SPTA1: variants seen among roughly 807,000 people sequenced by gnomAD.
SPTA1 encodes spectrin alpha, erythrocytic 1.
A neutral mutation model predicts 324.7 loss-of-function variants in SPTA1; 177 were observed. The observed-to-expected ratio is 0.55, with a 90% CI of 0.48 to 0.62. The LOEUF (loss-of-function observed/expected upper bound fraction) is 0.62. SPTA1 is among the 20% of genes least tolerant of loss of function. The pLI is 0.00. For missense variants in SPTA1, 3,162 were observed against 2,883.6 expected, an observed-to-expected ratio of 1.10 and a Z score of -2.21; for synonymous variants, 1,195 against 1,041.3, an observed-to-expected ratio of 1.15 and a Z score of -2.84.
chr1:158,676,021 G>C (rs1654366952), intron 8 of SPTA1, 120 bp downstream of exon 8: 1 of 1,351,954 alleles, frequency 7.4e-7, no homozygotes, highest in Non-Finnish European at 1.0e-6. Context: ...TGTCTCTACT[G>C]AGCAGGCAGG....
intron 7 of SPTA1, among the ~76,000 whole-genome samples, chr1:158,676,512 T>A (rs559041818): frequency 1.3e-5 from 2 of 152,304 alleles, no homozygotes; most frequent in East Asian, 1.9e-4. Flanking sequence ...TACATGAACG[T>A]TCTCATTTTA....
Position 158,653,425 on chromosome 1 carries a change from C to A in SPTA1, c.3037G>T (p.Asp1013Tyr). Residue 1013 changes from aspartate (D) to tyrosine (Y), a missense_variant and splice_region_variant, in exon 22 of 52, where the codon GAC (aspartate) becomes TAC (tyrosine). Physicochemically the swap from Asp to Tyr is radical, Grantham distance 160. Coordinates refer to ENST00000643759, the MANE Select transcript of SPTA1 (RefSeq NM_003126.4). ...VLTLLSSINKDWWKVEAADHQ... is the reference protein window; with the variant it reads ...VLTLLSSINKYWWKVEAADHQ... The stretch of plus-strand genomic sequence containing the variant: ...TCAGCAGCTTCCACCTTCCACCAGT[C>A]CTGAAGGGAGAGCAGATCCCCACTC... The A allele has an allele frequency of 6.2e-7, 1 of 1,613,968 alleles. No individual in the cohort carries two copies. The highest frequency in any genetic ancestry group is 8.5e-7 in the Non-Finnish European group (1 of 1,179,976).
In SPTA1 at chr1:158,634,523, T is replaced by A; in HGVS notation, c.5565+20A>T. 1 of 1,613,452 alleles carries A rather than the reference T, an allele frequency of 6.2e-7. No individual in the cohort carries two copies. On this transcript the variant is annotated intron_variant, in intron 39 of 51. Coordinates refer to ENST00000643759, the MANE Select transcript of SPTA1 (RefSeq NM_003126.4). The stretch of plus-strand genomic sequence containing the variant: ...CCAAATTGAAGAGAAGAAAATTGAT[T>A]CATTCTTCCTGTTCCTCACCTGAGT...
chr1:158,654,592 G>C lies in SPTA1; in HGVS notation c.3036+19C>G. ...TGAAAGAGCCACTTTTTGATGGAAA[G>C]ATTAGAAGGAAAAGTCACCTTATTG... On this transcript the variant is annotated intron_variant, in intron 21 of 51. Transcript: ENST00000643759. 1.2e-6 allele frequency: 2 copies of C among 1,613,884 alleles called. No homozygotes were observed. The highest frequency in any genetic ancestry group is 1.1e-5 in the South Asian group (1 of 91,066).
At chr1:158,620,492 C>A in intron 43 of SPTA1, 26 bp from the exon 44 acceptor site, 1 of 1,611,948 alleles carries the variant, frequency 6.2e-7, no homozygotes, top group Non-Finnish European at 8.5e-7. Context: ...AAAGACACTA[C>A]CATCTTTCCT....
intron 26 of SPTA1, among the ~76,000 whole-genome samples, chr1:158,648,186 C>T (rs1384319048): frequency 1.3e-5 from 2 of 152,144 alleles, no homozygotes. Flanking sequence ...TGGGTATGGA[C>T]ATTTGCTATT....
chr1:158,641,109 T>C lies in SPTA1; in HGVS notation c.4738-1102A>G, dbSNP rs377162687. 2.6e-5 allele frequency among the ~76,000 whole-genome samples: 4 copies of C among 151,984 alleles called. No individual in the cohort carries two copies. In the South Asian group the frequency reaches 6.2e-4, roughly 24 times the overall value. On this transcript the variant is annotated intron_variant, in intron 33 of 51. Coordinates refer to ENST00000643759, the MANE Select transcript of SPTA1 (RefSeq NM_003126.4). ...GCTGGGAAAACTGGCTAGACATATG[T>C]AGAAAGCTGAAACTGGATCCTTTCC... is the stretch of plus-strand genomic sequence containing the variant.
chr1:158,622,950 G>A (rs1218733071), intron 43 of SPTA1, 33 bp downstream of exon 43: 1 of 1,570,542 alleles, frequency 6.4e-7, no homozygotes, highest in African/African-American at 1.4e-5. Context: ...ACAGGTAACA[G>A]AGAACTGATC....
chr1:158,678,335 A>G (rs1026901188), intron 6 of SPTA1, 66 bp downstream of exon 6: 24 of 1,600,770 alleles, frequency 1.5e-5, no homozygotes, highest in Non-Finnish European at 2.1e-5. Context: ...GAAAGAGCCT[A>G]ATACAAAGAC....
Position 158,652,659 on chromosome 1 carries a change from T to A in SPTA1, c.3189-6A>T, listed in dbSNP as rs1324334976. The A allele has an allele frequency of 6.2e-7, 1 of 1,613,788 alleles. No homozygotes were observed. ...GATCCAAGAGGGAGCGGTATCTGGA[T>A]GGAGAATTGGGAAAAGTGGAATAAA... On this transcript the variant is annotated splice_region_variant and splice_polypyrimidine_tract_variant and intron_variant, in intron 22 of 51. Transcript: ENST00000643759.
intron 33 of SPTA1, among the ~76,000 whole-genome samples, chr1:158,640,968 C>T (rs1029170207): frequency 6.6e-6 from 1 of 152,098 alleles, no homozygotes; most frequent in African/African-American, 2.4e-5. Context: ...GAGATATAGA[C>T]CAACGGAACA....
chr1:158,653,827 A>C (rs1652636178), intron 21 of SPTA1, among the ~76,000 whole-genome samples: 1 of 152,192 alleles, frequency 6.6e-6, no homozygotes, highest in Non-Finnish European at 1.5e-5. Context: ...CTTCTTGCAG[A>C]GGTCTGAAAA....
At chr1:158,686,187 A>G (rs946652447) in intron 1 of SPTA1, among the ~76,000 whole-genome samples, 3 of 152,184 alleles carry the variant, frequency 2.0e-5, no homozygotes, top group Non-Finnish European at 2.9e-5. Flanking sequence ...GTGAATTGCC[A>G]TTACTGGCAT....
At chr1:158,681,455 A>G (rs890174182) in intron 4 of SPTA1, 72 bp downstream of exon 4, 1 of 1,607,346 alleles carries the variant, frequency 6.2e-7, no homozygotes. Flanking sequence ...AGTAGTCTGC[A>G]GTAATTTGCT....
intron 13 of SPTA1, 67 bp from the exon 14 acceptor site, chr1:158,669,630 A>G (rs1055107402): frequency 6.2e-7 from 1 of 1,613,844 alleles, no homozygotes; most frequent in African/African-American, 1.3e-5. Context: ...TTCGCTGACC[A>G]CCCTGGTCAC....
chr1:158,650,797 G>A (rs1211930503), intron 24 of SPTA1, among the ~76,000 whole-genome samples: 2 of 152,168 alleles, frequency 1.3e-5, no homozygotes, highest in African/African-American at 4.8e-5. Context: ...ATATTATTGG[G>A]TGGACATGTA....
In SPTA1 at chr1:158,618,040, C is replaced by T; in HGVS notation, c.6547G>A (p.Gly2183Arg). ...ATGATGATAACATAAAATACTGACCCATCCAGAAAGTAAGCCCTGGACATG... is the reference window on the plus strand; with the variant it reads ...ATGATGATAACATAAAATACTGACCTATCCAGAAAGTAAGCCCTGGACATG... ...ILETRAYFLD[G>R]SLLKETGTLE... The change falls in exon 46 of 52, where the codon GGA becomes AGA. Residue 2183 changes from glycine (G) to arginine (R), a missense_variant and splice_region_variant. Coordinates refer to ENST00000643759, the MANE Select transcript of SPTA1 (RefSeq NM_003126.4). The T allele has an allele frequency of 2.5e-6, 4 of 1,611,454 alleles. No homozygotes were observed.
At chr1:158,647,395 C>A (rs12131610) in intron 27 of SPTA1, 144 bp downstream of exon 27, 43,527 of 997,950 alleles carry the variant, frequency 0.044, 1,046 homozygotes, top group Non-Finnish European at 0.053. Context: ...TAGTTTCAAA[C>A]CTGAAATTTT....
intron 25 of SPTA1, among the ~76,000 whole-genome samples, chr1:158,649,271 G>GTTTC (rs1557957060): frequency 6.6e-6 from 1 of 152,056 alleles, no homozygotes; most frequent in South Asian, 2.1e-4. Context: ...TCAACTTCAA[G>GTTTC]TTTCTTTCTT....
Sources: gnomAD v4.1 joint callset for allele counts (sites outside exome capture counted in the v4.1 genomes callset) on GRCh38, gnomAD v4.1.1 for gene constraint, MANE v1.5 for transcripts, NCBI Gene and HGNC (gene_info 2026-07-23, HGNC 2026-07-21) for gene names.